Variants in SMG5 observed in about 807,000 individuals in gnomAD.
SMG5 encodes the protein SMG5 nonsense mediated mRNA decay factor.
In SMG5, 53 loss-of-function variants were observed where a neutral mutation model predicts 122.9. The ratio of observed to expected loss-of-function variants is 0.43; its 90% CI spans 0.35 to 0.54. SMG5 has a LOEUF of 0.54. SMG5 is among the 20% of genes least tolerant of loss of function. The pLI, the probability that SMG5 is intolerant of heterozygous loss-of-function variation, is 0.01. For synonymous variants in SMG5, 477 were observed against 490.2 expected, an observed-to-expected ratio of 0.97 and a Z score of 0.35; for missense variants, 1,153 against 1,285.6, an observed-to-expected ratio of 0.90 and a Z score of 1.58.
chr1:156,253,573 G>A, intron 16 of SMG5, 65 bp from the exon 17 acceptor site: 2 of 1,467,116 alleles, frequency 1.4e-6, no homozygotes, highest in East Asian at 4.5e-5. Flanking sequence ...TGATCAGGAA[G>A]ACCAAGAGGG....
intron 10 of SMG5, 146 bp downstream of exon 10, chr1:156,267,324 G>T: frequency 1.4e-6 from 1 of 727,138 alleles, no homozygotes; most frequent in Non-Finnish European, 2.3e-6. Flanking sequence ...AGGATCCCTT[G>T]GCCCTTACTT....
At chr1:156,289,638 C>A in the SMG5 span, among the ~76,000 whole-genome samples, 41 of 152,196 alleles carry the variant, frequency 2.7e-4, no homozygotes, top group East Asian at 5.8e-3. Flanking sequence ...AACAAAAAAA[C>A]AATCTGGTAC....
At chr1:156,283,704 T>C (rs1338170523), upstream of SMG5, among the ~76,000 whole-genome samples, 2 of 152,240 alleles carry the variant, frequency 1.3e-5, no homozygotes, top group Non-Finnish European at 2.9e-5. Context: ...ACTATGCTCC[T>C]GGCTGCAGCC....
intron 12 of SMG5, among the ~76,000 whole-genome samples, chr1:156,264,267 C>CAAAA (rs1205363773): frequency 0.03 from 1,617 of 53,880 alleles, 312 homozygotes; most frequent in African/African-American, 0.069. Context: ...GACTCCGTCT[C>CAAAA]AAAAAAAAAA....
At chr1:156,262,086 G>A (rs1378636884) in intron 13 of SMG5, among the ~76,000 whole-genome samples, 1 of 151,824 alleles carries the variant, frequency 6.6e-6, no homozygotes, top group African/African-American at 2.4e-5. Flanking sequence ...AGCCACATTC[G>A]GACTGGCTCA....
chr1:156,249,991 G>A lies in SMG5; in HGVS notation c.*596C>T, dbSNP rs1380766168. On this transcript the variant is annotated 3_prime_UTR_variant, in exon 22 of 22. Coordinates refer to ENST00000361813, the MANE Select transcript of SMG5 (RefSeq NM_015327.3). ...GGAGGAGCACACGAACCCTGACCCT[G>A]CTACTCGGTGCAGGCCACTCCAGGC... 1 of 466,718 alleles carries A rather than the reference G, an allele frequency of 2.1e-6. No individual in the cohort carries two copies. Among genetic ancestry groups the A allele is most frequent in the Admixed American group, 2.4e-5 (1 of 42,434 alleles). The allele number at this position is 466,718 out of a possible 1,614,324, so 28.9% of individuals were successfully genotyped here.
intron 6 of SMG5, among the ~76,000 whole-genome samples, chr1:156,272,728 C>T (rs978331349): frequency 6.6e-5 from 10 of 152,146 alleles, no homozygotes; most frequent in African/African-American, 1.9e-4. Flanking sequence ...AGGCACCCAC[C>T]ACCATGCCCG....
chr1:156,261,829 G>A (rs1226064937), intron 13 of SMG5, among the ~76,000 whole-genome samples: 1 of 149,386 alleles, frequency 6.7e-6, no homozygotes, highest in African/African-American at 2.5e-5. Flanking sequence ...GGCGGAGGCT[G>A]CAGTGAGCTG....
chr1:156,250,944 C>T lies in SMG5; in HGVS notation c.2881G>A (p.Ala961Thr), dbSNP rs775447095. Residue 961 changes from alanine to threonine, a missense_variant, in exon 21 of 22, where the codon GCA becomes ACA. By Grantham distance (58) the Ala-to-Thr change is moderately conservative. Around this residue, in one of 5 missense-constraint regions of SMG5, gnomAD observed 84 missense variants for 82.3 expected, o/e 1.02. Coordinates refer to ENST00000361813, the MANE Select transcript of SMG5 (RefSeq NM_015327.3). Reference protein sequence around the residue: ...SCKQLTLAQGAGEEDPSGMVT... With the variant: ...SCKQLTLAQGTGEEDPSGMVT... ...ATGCCACTCGGATCCTCCTCACCTG[C>T]CCCCTGGGCCAGAGTCAGCTGTTTG... 5 of 1,613,838 alleles carry T rather than the reference C, an allele frequency of 3.1e-6. No homozygotes were observed. Among genetic ancestry groups the T allele is most frequent in the Non-Finnish European group, 4.2e-6 (5 of 1,179,940 alleles).
chr1:156,257,173 C>T (rs915459065), intron 16 of SMG5, among the ~76,000 whole-genome samples: 12 of 152,084 alleles, frequency 7.9e-5, no homozygotes, highest in South Asian at 2.1e-4. Context: ...GTGATCCGCC[C>T]GCCTTGGCCT....
At chr1:156,277,514 T>C (rs1025633660) in intron 3 of SMG5, among the ~76,000 whole-genome samples, 9 of 150,108 alleles carry the variant, frequency 6.0e-5, no homozygotes, top group Non-Finnish European at 1.3e-4. Context: ...CTGCTGTCTT[T>C]TTTTTTTTTT....
chr1:156,281,471 T>C lies in SMG5; in HGVS notation c.74+1136A>G, dbSNP rs113620054. ...CCTGGGGACTGCTTGGGGCAGCCCATAGTGGGAGCCCTGGGGCCGCTAGAT... is the reference window on the plus strand; with the variant it reads ...CCTGGGGACTGCTTGGGGCAGCCCACAGTGGGAGCCCTGGGGCCGCTAGAT... On this transcript the variant is annotated intron_variant, in intron 1 of 21. Transcript: ENST00000361813. 8.5e-5 allele frequency among the ~76,000 whole-genome samples: 13 copies of C among 152,276 alleles called. No homozygotes were observed. The South Asian group carries it at 2.5e-3, about 29-fold the overall frequency.
At chr1:156,254,942 T>C (rs944868247) in intron 16 of SMG5, among the ~76,000 whole-genome samples, 11 of 150,634 alleles carry the variant, frequency 7.3e-5, no homozygotes, top group Admixed American at 1.3e-4. Flanking sequence ...ATAAAAAAAT[T>C]AGCTGGGTGT....
At chr1:156,253,577 AAGAGGGTTTC>A in intron 16 of SMG5, 69 bp from the exon 17 acceptor site, 1 of 1,455,886 alleles carries the variant, frequency 6.9e-7, no homozygotes, top group East Asian at 2.3e-5. Flanking sequence ...CAGGAAGACC[AAGAGGGTTTC>A]CTGGGGTCTC....
Position 156,250,088 on chromosome 1 carries a change from A to C in SMG5, c.*499T>G. The C allele has an allele frequency of 2.6e-6, 1 of 382,758 alleles. No individual in the cohort carries two copies. Among genetic ancestry groups the C allele is most frequent in the South Asian group, 2.0e-5 (1 of 50,454 alleles). 23.7% of individuals were successfully genotyped at this position (382,758 alleles called of 1,614,324 possible). ...CCCCATAAAGGGGGCTGAAAGGAGGATGGGTGATCCTTGAGGAGGGGAAGG... is the reference window on the plus strand; with the variant it reads ...CCCCATAAAGGGGGCTGAAAGGAGGCTGGGTGATCCTTGAGGAGGGGAAGG... On this transcript the variant is annotated 3_prime_UTR_variant, in exon 22 of 22. Transcript: ENST00000361813.
At chr1:156,252,828 T>C in intron 18 of SMG5, 91 bp downstream of exon 18, 7 of 1,370,868 alleles carry the variant, frequency 5.1e-6, no homozygotes, top group Non-Finnish European at 6.8e-6. Flanking sequence ...GGTTACTGCA[T>C]ATAAACTGGG....
At chr1:156,266,770 C>G in intron 10 of SMG5, 92 bp from the exon 11 acceptor site, 1 of 1,341,334 alleles carries the variant, frequency 7.5e-7, no homozygotes, top group Non-Finnish European at 1.0e-6. Flanking sequence ...GTTCTCAACT[C>G]TTCCAAGGAT....
rs1662521613 is a variant in SMG5 at position 156,273,343 on chromosome 1, A to C, written c.634+18T>G. The C allele has an allele frequency of 6.2e-7, 1 of 1,610,404 alleles. No homozygotes were observed. ...AAAACCCTACTGGATTCAGAGGCCCAAGTTGGGGACAACTTACCAATCTGA... is the reference window on the plus strand; with the variant it reads ...AAAACCCTACTGGATTCAGAGGCCCCAGTTGGGGACAACTTACCAATCTGA... On this transcript the variant is annotated intron_variant, in intron 6 of 21. Transcript: ENST00000361813.
chr1:156,278,327 C>T (rs919155717), intron 2 of SMG5, among the ~76,000 whole-genome samples: 4 of 151,846 alleles, frequency 2.6e-5, no homozygotes, highest in Non-Finnish European at 5.9e-5. Flanking sequence ...TCCCATTTTT[C>T]CCTTCATTAT....
Sources: gnomAD v4.1 joint callset for allele counts (sites outside exome capture counted in the v4.1 genomes callset) on GRCh38, gnomAD v4.1.1 for gene constraint, gnomAD v4.1.1 regional missense constraint, MANE v1.5 for transcripts, NCBI Gene and HGNC (gene_info 2026-07-23, HGNC 2026-07-21) for gene names.